The following DLG2 variants were observed in gnomAD, a reference collection of about 807,000 sequenced individuals.
DLG2 encodes the protein discs large MAGUK scaffold protein 2, also known as disks large homolog 2.
A neutral mutation model predicts 132.5 loss-of-function variants in DLG2; 45 were observed. The ratio of observed to expected loss-of-function variants is 0.34; its 90% confidence interval spans 0.27 to 0.44. The LOEUF is 0.44. Among genes scored for constraint, DLG2 ranks in the 20% least tolerant of loss-of-function variants. The pLI is 1.00. For missense variants in DLG2, 1,045 were observed against 1,196.9 expected, an observed-to-expected ratio of 0.87 and a Z score of 1.87; for synonymous variants, 424 against 419.6, an observed-to-expected ratio of 1.01 and a Z score of -0.13.
intron 6 of DLG2, among the ~76,000 whole-genome samples, chr11:85,005,207 C>T (rs1477935669): frequency 6.6e-6 from 1 of 152,084 alleles, no homozygotes; most frequent in Non-Finnish European, 1.5e-5. Context: ...TTTGGCTATA[C>T]AGGCTGTTGT....
chr11:85,428,696 C>A (rs1374462331), intron 3 of DLG2, among the ~76,000 whole-genome samples: 1 of 151,886 alleles, frequency 6.6e-6, no homozygotes, highest in Admixed American at 6.6e-5. Context: ...AAATTGACAC[C>A]CTAACATCAT....
chr11:85,493,087 T>C (rs112179514), intron 3 of DLG2, among the ~76,000 whole-genome samples: 1,576 of 152,120 alleles, frequency 0.01, 26 homozygotes, highest in African/African-American at 0.036. Context: ...TAAGTAAAAA[T>C]ATGTTGAAAT....
intron 19 of DLG2, among the ~76,000 whole-genome samples, chr11:83,582,960 G>A (rs1011934351): frequency 7.2e-5 from 11 of 152,088 alleles, no homozygotes; most frequent in Middle Eastern, 3.2e-3. Context: ...GATTCAAAGC[G>A]GCAAAGTGAC....
At chr11:83,518,246 G>C (rs2095362958) in intron 21 of DLG2, among the ~76,000 whole-genome samples, 1 of 152,190 alleles carries the variant, frequency 6.6e-6, no homozygotes, top group South Asian at 2.1e-4. Context: ...CAGCCTTGCT[G>C]CCACCTTGCA....
intron 4 of DLG2, among the ~76,000 whole-genome samples, chr11:85,168,479 G>C (rs2078617353): frequency 6.6e-6 from 1 of 152,018 alleles, no homozygotes; most frequent in African/African-American, 2.4e-5. Context: ...TGTTAGAAAT[G>C]AAATAGAAAA....
chr11:84,571,977 T>G (rs777169239), intron 6 of DLG2, among the ~76,000 whole-genome samples: 2 of 152,184 alleles, frequency 1.3e-5, no homozygotes, highest in Non-Finnish European at 2.9e-5. Flanking sequence ...AACAACTCTT[T>G]GAGGTAAATA....
At chr11:84,167,729 C>A (rs146587072) in intron 8 of DLG2, among the ~76,000 whole-genome samples, 12 of 151,884 alleles carry the variant, frequency 7.9e-5, no homozygotes, top group Admixed American at 7.9e-4. Flanking sequence ...TACAGTGGTG[C>A]GATCTTGGCT....
chr11:85,348,346 C>T (rs1202524603), intron 3 of DLG2, among the ~76,000 whole-genome samples: 1 of 151,578 alleles, frequency 6.6e-6, no homozygotes, highest in Non-Finnish European at 1.5e-5. Context: ...CTTCAGCCTC[C>T]TGAGTGGCTG....
intron 4 of DLG2, among the ~76,000 whole-genome samples, chr11:85,280,395 T>C (rs570641601): frequency 3.9e-5 from 6 of 152,204 alleles, no homozygotes; most frequent in African/African-American, 1.4e-4. Context: ...AATTTGACAA[T>C]GGCCATGTAA....
chr11:85,205,144 G>GTATATA (rs1425550552), intron 4 of DLG2, among the ~76,000 whole-genome samples: 12 of 142,856 alleles, frequency 8.4e-5, no homozygotes, highest in Non-Finnish European at 1.7e-4. Flanking sequence ...ATATATGTGT[G>GTATATA]TGTATATATA....
chr11:84,429,501 C>T (rs976426681), intron 7 of DLG2, among the ~76,000 whole-genome samples: 9 of 152,054 alleles, frequency 5.9e-5, no homozygotes, highest in South Asian at 2.1e-4. Flanking sequence ...AATCATCCAA[C>T]CAGGGTTCAT....
chr11:83,873,651 T>C (rs1340842703), intron 16 of DLG2, among the ~76,000 whole-genome samples: 2 of 152,196 alleles, frequency 1.3e-5, no homozygotes, highest in Non-Finnish European at 2.9e-5. Flanking sequence ...AATGGACTAA[T>C]ACAACAGGTG....
chr11:83,784,247 T>C (rs1024777003), intron 18 of DLG2, among the ~76,000 whole-genome samples: 2 of 152,224 alleles, frequency 1.3e-5, no homozygotes, highest in Non-Finnish European at 2.9e-5. Context: ...ATTTCATTTG[T>C]TATTTTAAAG....
intron 3 of DLG2, among the ~76,000 whole-genome samples, chr11:85,483,319 T>C (rs985314706): frequency 2.0e-5 from 3 of 152,160 alleles, no homozygotes; most frequent in East Asian, 1.9e-4. Flanking sequence ...TTCAAAGTGC[T>C]GAAGTGTAAA....
intron 3 of DLG2, among the ~76,000 whole-genome samples, chr11:85,515,292 C>CG (rs2094149926): frequency 6.6e-6 from 1 of 151,796 alleles, no homozygotes; most frequent in Non-Finnish European, 1.5e-5. Context: ...AGTTCTCTAA[C>CG]GGGGGCAGAT....
chr11:85,353,828 G>A (rs928599380), intron 3 of DLG2, among the ~76,000 whole-genome samples: 1 of 151,946 alleles, frequency 6.6e-6, no homozygotes, highest in Admixed American at 6.6e-5. Flanking sequence ...TCACACACTG[G>A]AGCCTGTCAT....
intron 6 of DLG2, among the ~76,000 whole-genome samples, chr11:84,968,416 G>A (rs2053614635): frequency 6.6e-6 from 1 of 152,074 alleles, no homozygotes; most frequent in South Asian, 2.1e-4. Context: ...CCTAATGAAA[G>A]CTGTGAACTC....
At chr11:83,757,692 AG>A (rs2093707756) in intron 18 of DLG2, among the ~76,000 whole-genome samples, 1 of 152,142 alleles carries the variant, frequency 6.6e-6, no homozygotes, top group Non-Finnish European at 1.5e-5. Context: ...GGCTTGATGA[AG>A]GGGGGTTTAG....
intron 6 of DLG2, among the ~76,000 whole-genome samples, chr11:85,023,006 T>G (rs2060213626): frequency 6.6e-6 from 1 of 152,066 alleles, no homozygotes; most frequent in Non-Finnish European, 1.5e-5. Context: ...GTTATATAAC[T>G]GTCATTAAAC....
Sources: gnomAD v4.1 joint callset for allele counts (sites outside exome capture counted in the v4.1 genomes callset) on GRCh38, gnomAD v4.1.1 for gene constraint, MANE v1.5 for transcripts, NCBI Gene and HGNC (gene_info 2026-07-23, HGNC 2026-07-21) for gene names.